Variants in GAS7 observed in about 807,000 individuals in gnomAD.
GAS7 encodes growth arrest-specific protein 7.
Under a neutral mutation model 71.1 loss-of-function variants are expected in GAS7, and 28 were observed. The observed-to-expected ratio is 0.39, with a 90% CI of 0.29 to 0.54. GAS7 has a LOEUF of 0.54. Among genes scored for constraint, GAS7 ranks in the 20% least tolerant of loss-of-function variants. The probability of loss-of-function intolerance (pLI) is 0.62; values close to 1 mark genes in which losing one functional copy is unlikely to be tolerated. For missense variants in GAS7, 436 were observed against 627.8 expected, an observed-to-expected ratio of 0.69 and a Z score of 3.27; for synonymous variants, 258 against 245.8, an observed-to-expected ratio of 1.05 and a Z score of -0.46.
intron 12 of GAS7, among the ~76,000 whole-genome samples, chr17:9,918,851 G>T (rs1293233929): frequency 6.6e-6 from 1 of 152,162 alleles, no homozygotes; most frequent in African/African-American, 2.4e-5. Flanking sequence ...TCAGAAAGGG[G>T]GGTAAAGCAG....
rs144292838 is a variant in GAS7 at position 9,958,828 on chromosome 17, C to A, written c.525+374G>T. The A allele has an allele frequency of 2.3e-5, 6 of 266,662 alleles. No individual in the cohort carries two copies. In the East Asian group the frequency reaches 5.9e-4, roughly 26 times the overall value. The allele number at this position is 266,662 out of a possible 1,614,324, so 16.5% of individuals were successfully genotyped here. A position where few individuals can be genotyped will look rare whatever the true frequency, so the allele number is the denominator to read the frequency against. ...TACTTTGACATCTTCCAGAAGTTAC[C>A]CCGCACAAAAGCAACCCTGCCGTGG... On this transcript the variant is annotated intron_variant, in intron 5 of 13. Transcript: ENST00000432992.
chr17:10,142,207 C>A (rs2074088357), intron 1 of GAS7, among the ~76,000 whole-genome samples: 1 of 106,852 alleles, frequency 9.4e-6, no homozygotes, highest in Admixed American at 1.1e-4. Context: ...CACAGCGAGA[C>A]TCTGTCTCAA....
intron 1 of GAS7, among the ~76,000 whole-genome samples, chr17:10,188,679 C>T (rs772237573): frequency 2.6e-5 from 4 of 152,204 alleles, no homozygotes; most frequent in East Asian, 1.9e-4. Context: ...CACGCTTTCA[C>T]TCAGGCTAGA....
At chr17:10,064,189 A>G (rs1192007639) in intron 1 of GAS7, among the ~76,000 whole-genome samples, 1 of 152,072 alleles carries the variant, frequency 6.6e-6, no homozygotes, top group Non-Finnish European at 1.5e-5. Context: ...TGACGTTTTC[A>G]TTTCCCGGGC....
At chr17:9,967,614 C>CT (rs55673577) in intron 4 of GAS7, among the ~76,000 whole-genome samples, 20 of 150,836 alleles carry the variant, frequency 1.3e-4, no homozygotes, top group African/African-American at 4.4e-4. Flanking sequence ...GTGTGTCCTA[C>CT]TTTTTTTTTA....
chr17:10,067,675 A>C (rs2073296689), intron 1 of GAS7, among the ~76,000 whole-genome samples: 1 of 152,058 alleles, frequency 6.6e-6, no homozygotes, highest in South Asian at 2.1e-4. Flanking sequence ...GGCCAACCTC[A>C]AGCTAGGAAT....
At chr17:10,122,484 CG>C (rs2073912816) in intron 1 of GAS7, among the ~76,000 whole-genome samples, 2 of 152,134 alleles carry the variant, frequency 1.3e-5, no homozygotes, top group South Asian at 4.1e-4. Context: ...CCCTGGGACC[CG>C]ACTCAACAAC....
Position 10,103,758 on chromosome 17 carries a change from A to G in GAS7, c.184-83861T>C, listed in dbSNP as rs191291117. Among the ~76,000 whole-genome samples, 20 of 151,568 alleles carry G rather than the reference A, an allele frequency of 1.3e-4. No individual in the cohort carries two copies. Among genetic ancestry groups the G allele is most frequent in the East Asian group, 9.8e-4 (5 of 5,124 alleles). Reference sequence around the variant, plus strand: ...GGAGAACTGCTTGAACCTGGGAGGCAGAGGTTGCAGTGAGCCAAGATCTCA... The same window carrying G: ...GGAGAACTGCTTGAACCTGGGAGGCGGAGGTTGCAGTGAGCCAAGATCTCA... On this transcript the variant is annotated intron_variant, in intron 1 of 13. Coordinates refer to ENST00000432992, the MANE Select transcript of GAS7 (RefSeq NM_201433.2). The surrounding 1 kb of genome is among the most constrained non-coding windows in gnomAD (Gnocchi z 5.5).
chr17:10,067,880 G>A (rs750700893), intron 1 of GAS7, among the ~76,000 whole-genome samples: 5 of 152,148 alleles, frequency 3.3e-5, no homozygotes, highest in South Asian at 2.1e-4. Flanking sequence ...CAGGTCCTTC[G>A]GAGGAAAGTT....
intron 1 of GAS7, among the ~76,000 whole-genome samples, chr17:10,148,815 C>T (rs1428361165): frequency 6.7e-6 from 1 of 148,168 alleles, no homozygotes; most frequent in Non-Finnish European, 1.5e-5. Context: ...GAGGCTGAGG[C>T]AGGAGAATGG....
At position 9,943,210 on chromosome 17, in the gene GAS7, G is replaced by A. The variant is rs111906980; in HGVS notation, c.642C>T (p.Asn214=). ...GTAGTTCAAACCCAGCCACGGTGCC[G>A]TTGCCTTGGGGGTCCTTCTTATCAG... is the stretch of plus-strand genomic sequence containing the variant. The part of the protein sequence containing the change: ...FWADKKDPQG[N]GTVAGFELLL... Residue 214 remains asparagine (N), a synonymous_variant, in exon 7 of 14, where the codon AAC becomes AAT. Transcript: ENST00000432992. 1.6e-3 allele frequency: 2,586 copies of A among 1,610,348 alleles called. 36 individuals are homozygous for A. The African/African-American group carries it at 0.031, about 19-fold the overall frequency.
At chr17:10,121,284 G>C (rs949134258) in intron 1 of GAS7, among the ~76,000 whole-genome samples, 1 of 152,168 alleles carries the variant, frequency 6.6e-6, no homozygotes, top group Non-Finnish European at 1.5e-5. Context: ...GGGAGGCTGA[G>C]GCAGGAGAAT....
At chr17:10,156,773 GC>G (rs956258773) in intron 1 of GAS7, among the ~76,000 whole-genome samples, 21 of 152,124 alleles carry the variant, frequency 1.4e-4, no homozygotes, top group Non-Finnish European at 2.8e-4. Context: ...AGAGCAGTCG[GC>G]CCCCTCCTGC....
intron 1 of GAS7, among the ~76,000 whole-genome samples, chr17:10,043,155 T>C (rs989620501): frequency 5.3e-5 from 8 of 152,042 alleles, no homozygotes; most frequent in African/African-American, 1.9e-4. Flanking sequence ...AGAATTATTC[T>C]CCCCCAGCAT....
intron 1 of GAS7, chr17:10,036,404 C>T (rs2072752671): frequency 6.5e-7 from 1 of 1,539,552 alleles, no homozygotes; most frequent in Admixed American, 1.7e-5. Flanking sequence ...CTGGAGCATA[C>T]ATCTGCAGGC....
intron 1 of GAS7, among the ~76,000 whole-genome samples, chr17:10,053,916 T>C (rs1254316174): frequency 6.6e-6 from 1 of 152,156 alleles, no homozygotes; most frequent in African/African-American, 2.4e-5. Context: ...GAAGGGCTGT[T>C]AGGACACAGT....
chr17:9,960,261 C>T (rs1445550800), intron 4 of GAS7, among the ~76,000 whole-genome samples: 1 of 151,702 alleles, frequency 6.6e-6, no homozygotes, highest in Non-Finnish European at 1.5e-5. Flanking sequence ...GTGATCATGG[C>T]TCACAGCAAC....
rs1259611758 is a variant in GAS7 at position 9,912,681 on chromosome 17, G to A, written c.*4547C>T. The A allele has an allele frequency of 8.6e-6, 2 of 232,684 alleles. No individual in the cohort carries two copies. Among genetic ancestry groups the A allele is most frequent in the African/African-American group, 2.2e-5 (1 of 45,310 alleles). The allele number at this position is 232,684 out of a possible 1,614,324, so 14.4% of individuals were successfully genotyped here. The stretch of plus-strand genomic sequence containing the variant: ...AAAAACCCACCACGCGCCAAAAGGC[G>A]AGTGTGAGCCCTAAGAACAGCTTGT... On this transcript the variant is annotated 3_prime_UTR_variant, in exon 14 of 14. Coordinates refer to ENST00000432992, the MANE Select transcript of GAS7 (RefSeq NM_201433.2).
chr17:10,131,746 C>T (rs2073998779), intron 1 of GAS7, among the ~76,000 whole-genome samples: 1 of 152,152 alleles, frequency 6.6e-6, no homozygotes, highest in South Asian at 2.1e-4. Flanking sequence ...TGTATGAATA[C>T]ATGTGCTCAT....
Sources: allele counts gnomAD v4.1 joint callset (sites outside exome capture counted in the v4.1 genomes callset), GRCh38; gene constraint gnomAD v4.1.1; non-coding constraint Gnocchi (gnomAD v3.1); transcripts MANE v1.5; gene names NCBI Gene and HGNC (gene_info 2026-07-23, HGNC 2026-07-21).